The following PRKG1 variants were observed in gnomAD, a reference collection of about 807,000 sequenced individuals.
PRKG1 encodes protein kinase cGMP-dependent 1.
A neutral mutation model predicts 88.1 loss-of-function variants in PRKG1; 35 were observed. That is an observed-to-expected ratio of 0.40 (90% confidence interval 0.30 to 0.53). The LOEUF is 0.53. PRKG1 is among the 20% of genes least tolerant of loss of function. PRKG1 has a pLI of 0.59. For synonymous variants in PRKG1, 303 were observed against 292.5 expected (o/e 1.04, Z -0.37); for missense variants, 540 against 839.8 (o/e 0.64, Z 4.41).
chr10:52,026,468 T>C (rs1006519278), intron 5 of PRKG1, among the ~76,000 whole-genome samples: 13 of 152,190 alleles, frequency 8.5e-5, no homozygotes, highest in African/African-American at 2.9e-4. Context: ...GACCATGTGT[T>C]GTATGATTCC....
At chr10:51,735,981 CT>C in intron 3 of PRKG1, among the ~76,000 whole-genome samples, 1 of 139,410 alleles carries the variant, frequency 7.2e-6, no homozygotes, top group African/African-American at 2.8e-5. Context: ...CAGCCTCGAC[CT>C]TCTGGGCTCC....
At chr10:51,043,512 T>A (rs1299395275) in intron 1 of PRKG1, among the ~76,000 whole-genome samples, 16 of 152,222 alleles carry the variant, frequency 1.1e-4, no homozygotes, top group Admixed American at 1.0e-3. Context: ...ATTTATTTAA[T>A]CCTGTAGTAG....
At chr10:51,363,714 C>T (rs985262221) in intron 2 of PRKG1, among the ~76,000 whole-genome samples, 1 of 151,858 alleles carries the variant, frequency 6.6e-6, no homozygotes, top group Non-Finnish European at 1.5e-5. Flanking sequence ...TTCACCATGA[C>T]TCTGCCACCC....
intron 5 of PRKG1, among the ~76,000 whole-genome samples, chr10:51,967,233 A>G (rs1436952120): frequency 6.6e-6 from 1 of 152,198 alleles, no homozygotes; most frequent in Non-Finnish European, 1.5e-5. Flanking sequence ...ATGCAGCCAT[A>G]AAAAAGGATG....
chr10:51,956,559 A>G (rs1467619658), intron 5 of PRKG1, among the ~76,000 whole-genome samples: 1 of 152,104 alleles, frequency 6.6e-6, no homozygotes, highest in Non-Finnish European at 1.5e-5. Context: ...AAGAGAATGA[A>G]CTGAGGATAT....
At chr10:51,529,705 T>TTG (rs1554818828) in intron 3 of PRKG1, among the ~76,000 whole-genome samples, 1 of 3,640 alleles carries the variant, frequency 2.7e-4, no homozygotes, top group African/African-American at 3.2e-4. Flanking sequence ...CTCAGTCCTC[T>TTG]TATTTTTCTT....
chr10:52,183,798 A>G (rs2132735108), intron 9 of PRKG1, among the ~76,000 whole-genome samples: 1 of 152,354 alleles, frequency 6.6e-6, no homozygotes, highest in East Asian at 1.9e-4. Context: ...ATCTAGAGCA[A>G]TGCAGCCATG....
chr10:51,948,945 GT>G (rs1350777779), intron 5 of PRKG1, among the ~76,000 whole-genome samples: 1 of 152,154 alleles, frequency 6.6e-6, no homozygotes, highest in African/African-American at 2.4e-5. Context: ...TTGTGTGCAT[GT>G]TTTTGAATAC....
intron 3 of PRKG1, among the ~76,000 whole-genome samples, chr10:51,476,905 T>C (rs56009775): frequency 3.3e-5 from 5 of 151,928 alleles, no homozygotes; most frequent in African/African-American, 1.2e-4. Flanking sequence ...CTGTATACTA[T>C]GTACATGCCG....
chr10:51,192,829 T>C (rs1837664327), intron 2 of PRKG1, among the ~76,000 whole-genome samples: 2 of 151,920 alleles, frequency 1.3e-5, no homozygotes, highest in South Asian at 4.1e-4. Flanking sequence ...AGAATGGCCA[T>C]TCATATCTGG....
intron 1 of PRKG1, among the ~76,000 whole-genome samples, chr10:50,998,322 G>A (rs183091923): frequency 1.3e-5 from 2 of 152,102 alleles, no homozygotes; most frequent in Admixed American, 1.3e-4. Flanking sequence ...AGCAAATATG[G>A]AGCAGATTTC....
intron 1 of PRKG1, among the ~76,000 whole-genome samples, chr10:51,066,083 G>C (rs1564586593): frequency 6.6e-6 from 1 of 151,886 alleles, no homozygotes; most frequent in African/African-American, 2.4e-5. Context: ...AGGTCTTCAC[G>C]GGCAAAAAGA....
chr10:51,444,782 G>A (rs1453476540), intron 2 of PRKG1, among the ~76,000 whole-genome samples: 1 of 151,838 alleles, frequency 6.6e-6, no homozygotes, highest in Non-Finnish European at 1.5e-5. Flanking sequence ...CAGCAATTTT[G>A]TTTTTGTTTC....
At chr10:52,059,703 G>A (rs767347347) in intron 6 of PRKG1, among the ~76,000 whole-genome samples, 4 of 151,268 alleles carry the variant, frequency 2.6e-5, no homozygotes, top group African/African-American at 4.9e-5. Flanking sequence ...AATTGTTCTG[G>A]GAATTAGACA....
chr10:51,145,361 G>C (rs2131961925), intron 1 of PRKG1, among the ~76,000 whole-genome samples: 1 of 151,950 alleles, frequency 6.6e-6, no homozygotes, highest in South Asian at 2.1e-4. Flanking sequence ...TTTTTTCTCA[G>C]TTATTACCCT....
intron 3 of PRKG1, among the ~76,000 whole-genome samples, chr10:51,602,899 C>CT (rs1373679382): frequency 6.6e-6 from 1 of 151,690 alleles, no homozygotes; most frequent in East Asian, 1.9e-4. Context: ...TGTGAGTCTT[C>CT]TTGTACCCCC....
intron 1 of PRKG1, among the ~76,000 whole-genome samples, chr10:51,099,474 A>G (rs1008657633): frequency 6.6e-6 from 1 of 151,690 alleles, no homozygotes; most frequent in Non-Finnish European, 1.5e-5. Flanking sequence ...GATTTTCTCT[A>G]GTTTAAAGAG....
intron 5 of PRKG1, among the ~76,000 whole-genome samples, chr10:51,987,407 A>G (rs980879717): frequency 4.6e-5 from 7 of 151,932 alleles, no homozygotes; most frequent in African/African-American, 1.7e-4. Flanking sequence ...TATGTTCTAT[A>G]CGTGGTAGAA....
intron 1 of PRKG1, among the ~76,000 whole-genome samples, chr10:51,065,264 G>A (rs901413479): frequency 2.0e-5 from 3 of 152,062 alleles, no homozygotes; most frequent in Non-Finnish European, 4.4e-5. Context: ...GACATTGCCA[G>A]TGTTACATAA....
Sources: gnomAD v4.1 joint callset for allele counts (sites outside exome capture counted in the v4.1 genomes callset) on GRCh38, gnomAD v4.1.1 for gene constraint, MANE v1.5 for transcripts, NCBI Gene and HGNC (gene_info 2026-07-23, HGNC 2026-07-21) for gene names.